SLC12A2: variants seen among roughly 807,000 people sequenced by gnomAD.
The protein encoded by SLC12A2 is Na-K-2Cl cotransporter 1.
SLC12A2 carries 67 observed loss-of-function variants against 136.3 expected under a neutral mutation model. The observed-to-expected ratio is 0.49, with a 90% CI of 0.40 to 0.60. SLC12A2 has a LOEUF of 0.60. Ranked by LOEUF, SLC12A2 falls within the 20% of genes least tolerant of loss-of-function variation. SLC12A2 has a pLI of 0.00. For synonymous variants in SLC12A2, 619 were observed against 562.9 expected (o/e 1.10, Z -1.41); for missense variants, 1,322 against 1,534.7 (o/e 0.86, Z 2.32).
chr5:128,164,160 C>G (rs1016630488), intron 17 of SLC12A2, among the ~76,000 whole-genome samples: 1 of 152,094 alleles, frequency 6.6e-6, no homozygotes, highest in Non-Finnish European at 1.5e-5. Flanking sequence ...AGGCCCCACC[C>G]CAGAATGAAT....
intron 10 of SLC12A2, among the ~76,000 whole-genome samples, chr5:128,143,405 A>G (rs1019040067): frequency 2.6e-5 from 4 of 152,134 alleles, no homozygotes; most frequent in Non-Finnish European, 5.9e-5. Flanking sequence ...TGGATACTAG[A>G]AAGCTAGTGA....
chr5:128,114,348 T>A, intron 3 of SLC12A2, 61 bp downstream of exon 3: 1 of 1,284,402 alleles, frequency 7.8e-7, no homozygotes, highest in Non-Finnish European at 1.1e-6. Flanking sequence ...TCTGAGCTCT[T>A]AACCTCATGA....
intron 1 of SLC12A2, among the ~76,000 whole-genome samples, chr5:128,104,663 A>T (rs1760867962): frequency 7.7e-6 from 1 of 129,106 alleles, no homozygotes; most frequent in Non-Finnish European, 1.6e-5. Flanking sequence ...ATATATATAG[A>T]TATATAGATA....
intron 15 of SLC12A2, among the ~76,000 whole-genome samples, chr5:128,156,830 G>A: frequency 6.6e-6 from 1 of 152,128 alleles, no homozygotes; most frequent in East Asian, 1.9e-4. Flanking sequence ...AATGTATGGA[G>A]GCAGCACAGC....
At chr5:128,116,848 C>A (rs1761368980) in intron 4 of SLC12A2, among the ~76,000 whole-genome samples, 1 of 151,900 alleles carries the variant, frequency 6.6e-6, no homozygotes, top group Non-Finnish European at 1.5e-5. Context: ...GAATGTAAGC[C>A]CCTTCTGTCT....
intron 14 of SLC12A2, among the ~76,000 whole-genome samples, 160 bp downstream of exon 14, chr5:128,151,556 GTT>G (rs11331893): frequency 7.7e-5 from 11 of 143,712 alleles, no homozygotes; most frequent in African/African-American, 2.5e-4. Flanking sequence ...AACTCCTAAA[GTT>G]TTTTTTTTTT....
At chr5:128,179,628 C>T (rs1048376263) in intron 22 of SLC12A2, among the ~76,000 whole-genome samples, 2 of 152,198 alleles carry the variant, frequency 1.3e-5, no homozygotes, top group Non-Finnish European at 1.5e-5. Flanking sequence ...ATGATGAAAG[C>T]AAGAGTGAGA....
chr5:128,137,938 CTT>C (rs775118655), intron 7 of SLC12A2, among the ~76,000 whole-genome samples: 8 of 141,834 alleles, frequency 5.6e-5, no homozygotes, highest in Non-Finnish European at 3.1e-5. Context: ...TTTTGTTTTC[CTT>C]TTTTTTTTTT....
At chr5:128,086,359 G>T (rs1469180854) in intron 1 of SLC12A2, among the ~76,000 whole-genome samples, 1 of 152,062 alleles carries the variant, frequency 6.6e-6, no homozygotes, top group African/African-American at 2.4e-5. Context: ...AACAACACCT[G>T]TACTGTTAGT....
At chr5:128,124,258 A>G (rs903332428) in intron 4 of SLC12A2, among the ~76,000 whole-genome samples, 2 of 152,148 alleles carry the variant, frequency 1.3e-5, no homozygotes, top group Admixed American at 6.5e-5. Flanking sequence ...ACACAAACCA[A>G]TTCCCCAACT....
At chr5:128,099,436 T>A (rs1462474244) in intron 1 of SLC12A2, among the ~76,000 whole-genome samples, 1 of 152,170 alleles carries the variant, frequency 6.6e-6, no homozygotes, top group African/African-American at 2.4e-5. Flanking sequence ...GCCTAACACA[T>A]TACTGTACAC....
chr5:128,183,022 T>G, intron 24 of SLC12A2, 81 bp downstream of exon 24: 1 of 831,728 alleles, frequency 1.2e-6, no homozygotes, highest in Non-Finnish European at 1.9e-6. Flanking sequence ...ACCCAGAGAT[T>G]TTTTTCCTGT....
rs77739574 is a variant in SLC12A2 at position 128,137,230 on chromosome 5, C to A, written c.1409-1367C>A. 5.9e-3 allele frequency among the ~76,000 whole-genome samples: 892 copies of A among 152,270 alleles called. 36 individuals carry two copies. The East Asian group carries it at 0.12, about 20-fold the overall frequency. On this transcript the variant is annotated intron_variant, in intron 7 of 26. Transcript: ENST00000262461. The stretch of plus-strand genomic sequence containing the variant: ...CACACTCTGTTCCTCAGTGGTCACT[C>A]CAATTTCATTTAATTTTTCTCCTTA...
At chr5:128,110,173 T>C in intron 1 of SLC12A2, 2 of 824,446 alleles carry the variant, frequency 2.4e-6, no homozygotes, top group Admixed American at 3.4e-5. Context: ...ATGCCAGATG[T>C]AGAGTTCTTT....
chr5:128,156,373 T>C (rs1762871060), intron 15 of SLC12A2, among the ~76,000 whole-genome samples: 1 of 152,156 alleles, frequency 6.6e-6, no homozygotes, highest in African/African-American at 2.4e-5. Flanking sequence ...AAAAAAAATC[T>C]CTTTATGCCG....
intron 15 of SLC12A2, among the ~76,000 whole-genome samples, chr5:128,154,378 C>T (rs1762807959): frequency 6.6e-6 from 1 of 151,474 alleles, no homozygotes; most frequent in African/African-American, 2.4e-5. Context: ...GATTGTACCA[C>T]TACATGCTAG....
chr5:128,139,558 C>G (rs1762294519), intron 9 of SLC12A2, among the ~76,000 whole-genome samples: 1 of 152,084 alleles, frequency 6.6e-6, no homozygotes, highest in Non-Finnish European at 1.5e-5. Flanking sequence ...GATAGAAGTT[C>G]CGAGATTTCA....
At chr5:128,097,049 A>G (rs908484776) in intron 1 of SLC12A2, among the ~76,000 whole-genome samples, 4 of 152,118 alleles carry the variant, frequency 2.6e-5, no homozygotes, top group Non-Finnish European at 5.9e-5. Flanking sequence ...TCAGTGAACT[A>G]TACAATTTTG....
At chr5:128,170,053 G>A (rs1763322549) in intron 18 of SLC12A2, 1 of 152,054 alleles carries the variant, frequency 6.6e-6, no homozygotes, top group Admixed American at 6.5e-5. Context: ...TGATGTTTTA[G>A]CTGTGATTTT....
Sources: allele counts gnomAD v4.1 joint callset (sites outside exome capture counted in the v4.1 genomes callset), GRCh38; gene constraint gnomAD v4.1.1; transcripts MANE v1.5; gene names NCBI Gene and HGNC (gene_info 2026-07-23, HGNC 2026-07-21).